Variants in SND1 observed in about 807,000 individuals in gnomAD.
The protein encoded by SND1 is staphylococcal nuclease domain-containing protein 1.
SND1 carries 38 observed loss-of-function variants against 121.7 expected under a neutral mutation model. That is an observed-to-expected ratio of 0.31 (90% CI 0.24 to 0.41). SND1 has a LOEUF of 0.41. Ranked by LOEUF, SND1 falls within the 10% of genes least tolerant of loss-of-function variation. The probability of loss-of-function intolerance (pLI) is 1.00; values close to 1 mark genes in which losing one functional copy is unlikely to be tolerated. For missense variants in SND1, 868 were observed against 1,184.6 expected (o/e 0.73, Z 3.92); for synonymous variants, 401 against 447.4 (o/e 0.90, Z 1.31).
Position 127,823,645 on chromosome 7 carries a change from GATCAT to G in SND1, c.1242+16073_1242+16077del, listed in dbSNP as rs780635346. 9.2e-5 allele frequency among the ~76,000 whole-genome samples: 14 copies of G among 152,238 alleles called. No individual in the cohort carries two copies. The South Asian group carries it at 2.9e-3, about 32-fold the overall frequency. The stretch of plus-strand genomic sequence containing the variant: ...TACCTGTCTAACCATAAGTTTGTTT[GATCAT>G]CAGTTAGGAACAAATGTTGGATGCC... On this transcript the variant is annotated intron_variant, in intron 11 of 23. Coordinates refer to ENST00000354725, the MANE Select transcript of SND1 (RefSeq NM_014390.4).
chr7:127,663,147 A>G (rs2116240080), intron 1 of SND1, among the ~76,000 whole-genome samples: 2 of 152,130 alleles, frequency 1.3e-5, no homozygotes, highest in Middle Eastern at 6.8e-3. Flanking sequence ...TCAGCCTCCA[A>G]AAGTGCTGGA....
intron 16 of SND1, among the ~76,000 whole-genome samples, chr7:128,032,559 C>T (rs1201899281): frequency 3.9e-5 from 6 of 151,992 alleles, no homozygotes; most frequent in African/African-American, 4.8e-5. Context: ...GCACCCGGGG[C>T]CCCCTGGCTC....
intron 15 of SND1, among the ~76,000 whole-genome samples, chr7:127,953,151 C>CGTGTGTGTGT (rs59825900): frequency 6.5e-5 from 6 of 92,348 alleles, no homozygotes; most frequent in African/African-American, 2.0e-4. Flanking sequence ...GTGACAAGAC[C>CGTGTGTGTGT]GTGTGTGTGT....
At chr7:127,819,542 A>C (rs913298663) in intron 11 of SND1, among the ~76,000 whole-genome samples, 3 of 152,194 alleles carry the variant, frequency 2.0e-5, no homozygotes, top group African/African-American at 7.2e-5. Context: ...GGCCACCATA[A>C]AGAGGCAGGT....
chr7:127,783,663 G>C (rs1326770655), intron 10 of SND1, among the ~76,000 whole-genome samples: 1 of 152,108 alleles, frequency 6.6e-6, no homozygotes, highest in East Asian at 1.9e-4. Flanking sequence ...TTGGAGTTTA[G>C]CTTGAGGTTG....
intron 12 of SND1, among the ~76,000 whole-genome samples, chr7:127,847,835 G>T (rs550318674): frequency 6.6e-6 from 1 of 152,214 alleles, no homozygotes; most frequent in Non-Finnish European, 1.5e-5. Flanking sequence ...CAGGAGGCAG[G>T]ACTCAATTCT....
At chr7:128,019,166 AC>A (rs1170281143) in intron 16 of SND1, among the ~76,000 whole-genome samples, 2 of 152,122 alleles carry the variant, frequency 1.3e-5, no homozygotes, top group African/African-American at 2.4e-5. Context: ...TCCTGTGGTC[AC>A]CCCCTGGTCC....
intron 14 of SND1, among the ~76,000 whole-genome samples, chr7:127,919,980 G>A (rs1800664701): frequency 6.6e-6 from 1 of 152,066 alleles, no homozygotes. Flanking sequence ...TTACAAATTG[G>A]TATTTCTGAA....
intron 12 of SND1, among the ~76,000 whole-genome samples, chr7:127,846,698 T>C (rs1466151413): frequency 6.6e-6 from 1 of 152,228 alleles, no homozygotes; most frequent in Non-Finnish European, 1.5e-5. Context: ...TTTTATCTAA[T>C]CAGTACTGTA....
chr7:127,975,440 TGTGTG>T (rs1802096445), intron 15 of SND1, among the ~76,000 whole-genome samples: 2 of 150,792 alleles, frequency 1.3e-5, no homozygotes, highest in Admixed American at 1.3e-4. Context: ...TGTGTGTGTG[TGTGTG>T]TGTGTGTGTG....
At chr7:128,069,428 G>A (rs977267018) in intron 16 of SND1, among the ~76,000 whole-genome samples, 2 of 152,148 alleles carry the variant, frequency 1.3e-5, no homozygotes, top group African/African-American at 4.8e-5. Flanking sequence ...TCTAAGAGAG[G>A]TCAAGTGAAT....
At chr7:127,901,016 G>A (rs919750755) in intron 13 of SND1, among the ~76,000 whole-genome samples, 2 of 152,168 alleles carry the variant, frequency 1.3e-5, no homozygotes, top group African/African-American at 2.4e-5. Context: ...GAAAAGGGAT[G>A]CAGACTTGTG....
At chr7:127,668,223 G>A (rs1002948114) in intron 1 of SND1, among the ~76,000 whole-genome samples, 1 of 152,202 alleles carries the variant, frequency 6.6e-6, no homozygotes, top group African/African-American at 2.4e-5. Flanking sequence ...GCACAGTAAA[G>A]TCTGAGAAGT....
intron 15 of SND1, among the ~76,000 whole-genome samples, chr7:127,975,352 C>T (rs940288761): frequency 2.0e-5 from 3 of 151,584 alleles, no homozygotes; most frequent in Non-Finnish European, 4.4e-5. Flanking sequence ...CATGTGCGCA[C>T]GCGCGTGTGT....
chr7:128,065,585 C>G (rs1793299369), intron 16 of SND1, among the ~76,000 whole-genome samples: 3 of 152,330 alleles, frequency 2.0e-5, no homozygotes, highest in African/African-American at 7.2e-5. Flanking sequence ...ATAGATCATA[C>G]ACCGATTTTC....
intron 18 of SND1, chr7:128,081,773 C>T: frequency 1.6e-6 from 1 of 623,642 alleles, no homozygotes; most frequent in Non-Finnish European, 3.1e-6. Flanking sequence ...GGTGAGATAA[C>T]CAGGTTTATC....
intron 4 of SND1, among the ~76,000 whole-genome samples, chr7:127,699,515 A>G (rs748288396): frequency 7.9e-5 from 12 of 152,194 alleles, no homozygotes. Flanking sequence ...GGAAAAATTT[A>G]TATCTCTTCA....
At chr7:127,912,832 G>C (rs1800488448) in intron 14 of SND1, among the ~76,000 whole-genome samples, 3 of 152,082 alleles carry the variant, frequency 2.0e-5, no homozygotes, top group Admixed American at 2.0e-4. Context: ...TAGTTTTGTT[G>C]CCTCCTCTGT....
At chr7:127,981,353 T>C (rs186955888) in intron 15 of SND1, among the ~76,000 whole-genome samples, 43 of 152,320 alleles carry the variant, frequency 2.8e-4, no homozygotes, top group Admixed American at 2.2e-3. Flanking sequence ...GTGACATTAT[T>C]GCAGCTGCTG....
Sources: allele counts gnomAD v4.1 joint callset (sites outside exome capture counted in the v4.1 genomes callset), GRCh38; gene constraint gnomAD v4.1.1; transcripts MANE v1.5; gene names NCBI Gene and HGNC (gene_info 2026-07-23, HGNC 2026-07-21).